Variants in RAB31 observed in about 807,000 individuals in gnomAD.
RAB31 encodes RAB31, member RAS oncogene family.
A neutral mutation model predicts 25.6 loss-of-function variants in RAB31; 21 were observed. The observed-to-expected ratio is 0.82, with a 90% CI of 0.58 to 1.18. RAB31 has a LOEUF of 1.18. Among genes scored for constraint, RAB31 ranks in the 50% most tolerant of loss-of-function variants. The probability of loss-of-function intolerance (pLI) is 0.00; values close to 1 mark genes in which losing one functional copy is unlikely to be tolerated. For missense variants in RAB31, 196 were observed against 250.1 expected (o/e 0.78, Z 1.46); for synonymous variants, 87 against 84.0 (o/e 1.04, Z -0.20).
At chr18:9,823,277 G>A (rs944033356) in intron 5 of RAB31, among the ~76,000 whole-genome samples, 13 of 152,136 alleles carry the variant, frequency 8.5e-5, no homozygotes, top group African/African-American at 1.2e-4. Context: ...AGGAAAGTGG[G>A]CATGGGTTTG....
chr18:9,708,464 C>A lies in RAB31; in HGVS notation c.39+20C>A, dbSNP rs1156776028. The A allele has an allele frequency of 1.9e-6, 3 of 1,551,630 alleles. No individual in the cohort carries two copies. The highest frequency in any genetic ancestry group is 2.6e-5 in the East Asian group (1 of 38,296). ...CTCGGGGTGAGTCCTGGCCGCCACC[C>A]GCCGGCGGACCCCGGCCCGCGCTCT... On this transcript the variant is annotated intron_variant, in intron 1 of 6. Coordinates refer to ENST00000578921, the MANE Select transcript of RAB31 (RefSeq NM_006868.4). This position sits in a 1 kb window ranked among gnomAD's most constrained non-coding sequence, Gnocchi z 6.4.
intron 1 of RAB31, among the ~76,000 whole-genome samples, chr18:9,760,919 G>A (rs2145483505): frequency 6.6e-6 from 1 of 152,232 alleles, no homozygotes; most frequent in African/African-American, 2.4e-5. Context: ...ACGCTTCACA[G>A]GGAGCTGTTT....
intron 3 of RAB31, chr18:9,797,590 G>A (rs2068493220): frequency 6.6e-6 from 1 of 152,292 alleles, no homozygotes; most frequent in South Asian, 2.1e-4. Context: ...ATTGAATCCA[G>A]CAGTCTGGGT....
At chr18:9,842,138 A>G (rs2068737548) in intron 5 of RAB31, among the ~76,000 whole-genome samples, 1 of 152,170 alleles carries the variant, frequency 6.6e-6, no homozygotes, top group Non-Finnish European at 1.5e-5. Flanking sequence ...TCTCAGGGGT[A>G]GCACTCCCAG....
chr18:9,831,150 G>A (rs2143107945), intron 5 of RAB31, among the ~76,000 whole-genome samples: 1 of 152,284 alleles, frequency 6.6e-6, no homozygotes, highest in East Asian at 1.9e-4. Context: ...ATACTTGTGG[G>A]CCCCAGAAAA....
At chr18:9,857,824 T>C (rs1488452908) in intron 6 of RAB31, among the ~76,000 whole-genome samples, 1 of 151,744 alleles carries the variant, frequency 6.6e-6, no homozygotes, top group African/African-American at 2.4e-5. Context: ...GGCCAGGAGT[T>C]TGAGACCAGC....
chr18:9,752,050 G>A (rs930171557), intron 1 of RAB31, among the ~76,000 whole-genome samples: 6 of 152,018 alleles, frequency 3.9e-5, no homozygotes, highest in African/African-American at 7.2e-5. Context: ...GCTTCCTCTC[G>A]CCTTGCTGAC....
intron 1 of RAB31, among the ~76,000 whole-genome samples, chr18:9,771,927 TTTG>T (rs1004620716): frequency 6.6e-6 from 1 of 152,136 alleles, no homozygotes; most frequent in African/African-American, 2.4e-5. Flanking sequence ...AGACAGTGAC[TTTG>T]TTGTTTGAAA....
intron 6 of RAB31, among the ~76,000 whole-genome samples, chr18:9,849,278 A>T (rs593432): frequency 1.3e-5 from 2 of 151,932 alleles, no homozygotes; most frequent in African/African-American, 2.4e-5. Flanking sequence ...TCTTCTAGGG[A>T]GATTGCAAGT....
chr18:9,780,627 A>G (rs1481032312), intron 2 of RAB31, among the ~76,000 whole-genome samples: 1 of 152,112 alleles, frequency 6.6e-6, no homozygotes, highest in Non-Finnish European at 1.5e-5. Context: ...ACACTTTTGT[A>G]CTTTTATAAA....
rs1375725447 is a variant in RAB31, at chr18:9,734,415, G to A, written c.39+25971G>A. Among the ~76,000 whole-genome samples the A allele has an allele frequency of 3.3e-5, 5 of 152,178 alleles. No homozygotes were observed. The East Asian group carries it at 9.6e-4, about 29-fold the overall frequency. ...ACACCCGCTGCCTTTCCTGAACACG[G>A]ACAGGAAGCGTTACATACCTAACGA... is the stretch of plus-strand genomic sequence containing the variant. On this transcript the variant is annotated intron_variant, in intron 1 of 6. Transcript: ENST00000578921.
intron 1 of RAB31, among the ~76,000 whole-genome samples, chr18:9,719,350 T>A (rs2068062957): frequency 2.6e-5 from 3 of 116,976 alleles, no homozygotes; most frequent in Non-Finnish European, 3.4e-5. Context: ...TTTGATCTAA[T>A]TATGAGGGAG....
At chr18:9,792,908 G>C (rs2068468541) in intron 3 of RAB31, among the ~76,000 whole-genome samples, 2 of 152,134 alleles carry the variant, frequency 1.3e-5, no homozygotes, top group South Asian at 4.2e-4. Flanking sequence ...TGGATGCTGG[G>C]TTATCAAAAC....
intron 6 of RAB31, among the ~76,000 whole-genome samples, chr18:9,855,508 G>A (rs553641484): frequency 6.6e-6 from 1 of 152,264 alleles, no homozygotes; most frequent in East Asian, 1.9e-4. Context: ...TGATCACCTT[G>A]GTACAGAAAG....
intron 1 of RAB31, among the ~76,000 whole-genome samples, chr18:9,762,828 A>G (rs745589148): frequency 6.6e-6 from 1 of 152,142 alleles, no homozygotes; most frequent in Admixed American, 6.5e-5. Context: ...TAGAGGAGAC[A>G]TGGAGCCTCT....
chr18:9,848,129 T>C (rs963645536), intron 6 of RAB31, among the ~76,000 whole-genome samples: 2 of 152,238 alleles, frequency 1.3e-5, no homozygotes, highest in African/African-American at 4.8e-5. Context: ...GTAACTGCCT[T>C]GACAAAGAAA....
intron 1 of RAB31, among the ~76,000 whole-genome samples, chr18:9,748,437 T>C (rs914246242): frequency 6.6e-6 from 1 of 151,988 alleles, no homozygotes; most frequent in African/African-American, 2.4e-5. Context: ...GCCCAGAAGG[T>C]TGAGGCTACA....
chr18:9,794,887 AC>A (rs1157495166), intron 3 of RAB31, among the ~76,000 whole-genome samples: 8 of 152,260 alleles, frequency 5.3e-5, no homozygotes, highest in African/African-American at 1.9e-4. Flanking sequence ...CTAGAAAAAA[AC>A]AATCCTAAAA....
At chr18:9,757,148 A>C (rs933783409) in intron 1 of RAB31, among the ~76,000 whole-genome samples, 1 of 152,222 alleles carries the variant, frequency 6.6e-6, no homozygotes, top group African/African-American at 2.4e-5. Flanking sequence ...CAGTAATCCC[A>C]CTTAATACCA....
Sources: gnomAD v4.1 joint callset for allele counts (sites outside exome capture counted in the v4.1 genomes callset) on GRCh38, gnomAD v4.1.1 for gene constraint, Gnocchi (gnomAD v3.1) non-coding constraint, MANE v1.5 for transcripts, NCBI Gene and HGNC (gene_info 2026-07-23, HGNC 2026-07-21) for gene names.